Variants in ADGRL2 observed in about 807,000 individuals in gnomAD.
ADGRL2 encodes the protein calcium-independent alpha-latrotoxin receptor 2.
ADGRL2 carries 44 observed loss-of-function variants against 157.4 expected under a neutral mutation model. That is an observed-to-expected ratio of 0.28 (90% confidence interval 0.22 to 0.36). The LOEUF (loss-of-function observed/expected upper bound fraction) is 0.36. Among genes scored for constraint, ADGRL2 ranks in the 10% least tolerant of loss-of-function variants. The pLI is 1.00. For synonymous variants in ADGRL2, 585 were observed against 624.7 expected, an observed-to-expected ratio of 0.94 and a Z score of 0.95; for missense variants, 1,510 against 1,768.9, an observed-to-expected ratio of 0.85 and a Z score of 2.63.
chr1:81,518,052 A>G (rs1246002504), intron 2 of ADGRL2, among the ~76,000 whole-genome samples: 3 of 152,246 alleles, frequency 2.0e-5, no homozygotes, highest in African/African-American at 4.8e-5. Context: ...AAATTCCCTT[A>G]AAGAGAAAAT....
intron 2 of ADGRL2, among the ~76,000 whole-genome samples, chr1:81,871,685 A>G (rs530501477): frequency 0.022 from 3,398 of 152,080 alleles, 57 homozygotes; most frequent in Non-Finnish European, 0.034. Context: ...CTGATGACCG[A>G]TGATGATGAG....
chr1:81,383,833 C>T (rs1353357531), intron 1 of ADGRL2, among the ~76,000 whole-genome samples: 5 of 139,158 alleles, frequency 3.6e-5, no homozygotes, highest in African/African-American at 5.1e-5. Flanking sequence ...AAAAGAGAGC[C>T]GGGCGTGGTA....
intron 11 of ADGRL2, among the ~76,000 whole-genome samples, chr1:81,965,718 T>C (rs1217299895): frequency 6.6e-6 from 1 of 152,242 alleles, no homozygotes; most frequent in Non-Finnish European, 1.5e-5. Flanking sequence ...TTTAGCTTCA[T>C]GATTTAAATA....
At chr1:81,542,413 C>A (rs1359913529) in intron 2 of ADGRL2, among the ~76,000 whole-genome samples, 1 of 152,116 alleles carries the variant, frequency 6.6e-6, no homozygotes, top group Non-Finnish European at 1.5e-5. Flanking sequence ...CTTAAATGCC[C>A]CCTGTAGTTT....
chr1:81,531,879 T>G (rs2148255638), intron 2 of ADGRL2, among the ~76,000 whole-genome samples: 1 of 152,334 alleles, frequency 6.6e-6, no homozygotes, highest in East Asian at 1.9e-4. Context: ...CTTAAATTTT[T>G]ATATACTTTA....
At chr1:81,655,422 A>C (rs1228405873) in intron 3 of ADGRL2, among the ~76,000 whole-genome samples, 1 of 152,172 alleles carries the variant, frequency 6.6e-6, no homozygotes, top group Non-Finnish European at 1.5e-5. Context: ...ATGGGAATTC[A>C]AACCCACATA....
intron 2 of ADGRL2, among the ~76,000 whole-genome samples, chr1:81,877,682 G>T (rs1248556914): frequency 7.3e-6 from 1 of 137,922 alleles, no homozygotes; most frequent in Non-Finnish European, 1.6e-5. Flanking sequence ...GGAGGTTGTT[G>T]TTTGCTTTAA....
intron 1 of ADGRL2, among the ~76,000 whole-genome samples, chr1:81,339,078 C>T (rs1208327522): frequency 6.6e-6 from 1 of 152,134 alleles, no homozygotes; most frequent in African/African-American, 2.4e-5. Flanking sequence ...GAGGTACCAC[C>T]TCTAGATTCC....
intron 2 of ADGRL2, among the ~76,000 whole-genome samples, chr1:81,556,504 T>C (rs572497251): frequency 6.7e-6 from 1 of 149,326 alleles, no homozygotes; most frequent in East Asian, 2.0e-4. Context: ...CATCAAACAA[T>C]GGAAAACACA....
At chr1:81,409,482 A>C (rs1295091586) in intron 1 of ADGRL2, among the ~76,000 whole-genome samples, 2 of 152,228 alleles carry the variant, frequency 1.3e-5, no homozygotes, top group African/African-American at 4.8e-5. Flanking sequence ...AGATAGTCAC[A>C]TGGCTATGAA....
chr1:81,863,121 G>C (rs557876794), intron 2 of ADGRL2, among the ~76,000 whole-genome samples: 1 of 152,280 alleles, frequency 6.6e-6, no homozygotes, highest in East Asian at 1.9e-4. Flanking sequence ...ATTTGTTTGT[G>C]ATTAATAGCC....
intron 2 of ADGRL2, among the ~76,000 whole-genome samples, chr1:81,462,204 A>T (rs770358736): frequency 6.0e-4 from 91 of 152,260 alleles, no homozygotes; most frequent in Admixed American, 9.8e-4. Flanking sequence ...TGTAAAATGG[A>T]CCAATCAGCA....
At chr1:81,722,438 G>A (rs1436763685) in intron 1 of ADGRL2, 4 of 1,234,848 alleles carry the variant, frequency 3.2e-6, no homozygotes, top group Admixed American at 3.4e-5. Flanking sequence ...TTTGCGCTTG[G>A]CCGTTTTGTA....
At chr1:81,863,899 C>A (rs1484112490) in intron 2 of ADGRL2, among the ~76,000 whole-genome samples, 3 of 152,152 alleles carry the variant, frequency 2.0e-5, no homozygotes, top group Non-Finnish European at 2.9e-5. Context: ...TTGAATTAAT[C>A]TGAAGAGCAG....
intron 14 of ADGRL2, among the ~76,000 whole-genome samples, chr1:81,968,558 A>G (rs1558019670): frequency 6.6e-6 from 1 of 152,152 alleles, no homozygotes; most frequent in Non-Finnish European, 1.5e-5. Flanking sequence ...TAATTTTACA[A>G]CTTTCCCTTT....
At chr1:81,563,880 G>A (rs2080500337) in intron 2 of ADGRL2, among the ~76,000 whole-genome samples, 1 of 152,138 alleles carries the variant, frequency 6.6e-6, no homozygotes, top group Non-Finnish European at 1.5e-5. Flanking sequence ...CTTTCTAAGT[G>A]CCTACTAGGT....
intron 1 of ADGRL2, among the ~76,000 whole-genome samples, chr1:81,380,133 C>G (rs180832282): frequency 6.6e-6 from 1 of 152,000 alleles, no homozygotes; most frequent in Non-Finnish European, 1.5e-5. Context: ...GAAGCCTGAG[C>G]TACAAACTCT....
chr1:81,525,037 A>G (rs995774203), intron 2 of ADGRL2, among the ~76,000 whole-genome samples: 1 of 152,212 alleles, frequency 6.6e-6, no homozygotes, highest in African/African-American at 2.4e-5. Context: ...GTAAAAAGAG[A>G]GACTTCTCAT....
At chr1:81,796,264 C>G (rs534108002), upstream of ADGRL2, among the ~76,000 whole-genome samples, 1 of 152,182 alleles carries the variant, frequency 6.6e-6, no homozygotes, top group Non-Finnish European at 1.5e-5. Flanking sequence ...GCTGGGATTA[C>G]AGGCGTGAGC....
Sources: gnomAD v4.1 joint callset for allele counts (sites outside exome capture counted in the v4.1 genomes callset) on GRCh38, gnomAD v4.1.1 for gene constraint, MANE v1.5 for transcripts, NCBI Gene and HGNC (gene_info 2026-07-23, HGNC 2026-07-21) for gene names.